Variants in ZMAT4 observed in about 807,000 individuals in gnomAD.
ZMAT4 encodes the protein zinc finger matrin-type protein 4.
Under a neutral mutation model 28.7 loss-of-function variants are expected in ZMAT4, and 17 were observed. The observed-to-expected ratio is 0.59, with a 90% confidence interval of 0.41 to 0.89. The LOEUF is 0.89. ZMAT4 is among the 40% of genes least tolerant of loss of function. The pLI, the probability that ZMAT4 is intolerant of heterozygous loss-of-function variation, is 0.00. For synonymous variants in ZMAT4, 117 were observed against 109.2 expected (o/e 1.07, Z -0.44); for missense variants, 240 against 283.8 (o/e 0.85, Z 1.11).
chr8:40,684,082 C>T (rs1459446314), intron 4 of ZMAT4, among the ~76,000 whole-genome samples: 2 of 151,530 alleles, frequency 1.3e-5, no homozygotes, highest in Admixed American at 6.6e-5. Context: ...AAAAAAAAAT[C>T]AGATGGCTAC....
At chr8:40,590,712 AGTGT>A (rs3221714) in intron 5 of ZMAT4, among the ~76,000 whole-genome samples, 48 of 150,470 alleles carry the variant, frequency 3.2e-4, no homozygotes, top group African/African-American at 1.0e-3. Flanking sequence ...TTTCAGTATA[AGTGT>A]GTGTGTGTGT....
intron 4 of ZMAT4, among the ~76,000 whole-genome samples, chr8:40,684,251 A>G (rs571919318): frequency 2.0e-5 from 3 of 152,212 alleles, no homozygotes; most frequent in Non-Finnish European, 4.4e-5. Context: ...AAGAGTTATG[A>G]CTTCACGCAT....
rs553545814 is a variant in ZMAT4, at chr8:40,718,784, C to T, written c.193-21383G>A. On this transcript the variant is annotated intron_variant, in intron 3 of 6. Transcript: ENST00000297737. ...CCCATCTAAACCATAGTTCTCATGC[C>T]TGCTCTATAGATAAGAGTTCTGGGG... Among the ~76,000 whole-genome samples, 165 of 152,294 alleles carry T rather than the reference C, an allele frequency of 1.1e-3. 1 individual carries two copies. The highest frequency in any genetic ancestry group is 3.8e-3 in the African/African-American group (159 of 41,564).
At chr8:40,580,071 GGCCTGATCT>G (rs1804405459) in intron 6 of ZMAT4, among the ~76,000 whole-genome samples, 1 of 144,798 alleles carries the variant, frequency 6.9e-6, no homozygotes, top group Non-Finnish European at 1.5e-5. Context: ...GGAGTGCAGT[GGCCTGATCT>G]TGGTTCACTG....
intron 3 of ZMAT4, among the ~76,000 whole-genome samples, chr8:40,764,518 G>C (rs1813066432): frequency 6.6e-6 from 1 of 151,666 alleles, no homozygotes; most frequent in Non-Finnish European, 1.5e-5. Context: ...CATGGTCAGG[G>C]TGTGGGAAAT....
At chr8:40,763,988 CA>C (rs1234386781) in intron 3 of ZMAT4, among the ~76,000 whole-genome samples, 10 of 140,138 alleles carry the variant, frequency 7.1e-5, no homozygotes, top group Middle Eastern at 3.4e-3. Flanking sequence ...ATCACACACA[CA>C]AAAAAAAAAC....
intron 2 of ZMAT4, among the ~76,000 whole-genome samples, chr8:40,782,249 G>T (rs1813867370): frequency 6.6e-6 from 1 of 151,990 alleles, no homozygotes; most frequent in East Asian, 1.9e-4. Context: ...AGCTGGGCAT[G>T]GTGGTGGGTG....
chr8:40,605,024 G>T (rs1805531667), intron 5 of ZMAT4, among the ~76,000 whole-genome samples: 1 of 151,988 alleles, frequency 6.6e-6, no homozygotes, highest in South Asian at 2.1e-4. Flanking sequence ...TATCAGTTGT[G>T]ATATCTCCCG....
At chr8:40,812,859 G>A (rs1815376844) in intron 2 of ZMAT4, among the ~76,000 whole-genome samples, 2 of 151,914 alleles carry the variant, frequency 1.3e-5, no homozygotes, top group African/African-American at 4.8e-5. Context: ...TTGGAACCTG[G>A]GAGGTGAAGG....
intron 3 of ZMAT4, among the ~76,000 whole-genome samples, chr8:40,766,080 C>T (rs1380806710): frequency 1.3e-5 from 2 of 152,142 alleles, no homozygotes; most frequent in African/African-American, 4.8e-5. Flanking sequence ...CTCCCTCCTG[C>T]GGCCTCCATC....
chr8:40,785,576 T>G (rs1392150569), intron 2 of ZMAT4, among the ~76,000 whole-genome samples: 1 of 152,180 alleles, frequency 6.6e-6, no homozygotes, highest in Non-Finnish European at 1.5e-5. Flanking sequence ...AAACACATGG[T>G]CAGGATTCTA....
rs267601920 is a variant in ZMAT4 at position 40,674,904 on chromosome 8, G to T, written c.377C>A (p.Pro126Gln). The T allele has an allele frequency of 1.9e-6, 3 of 1,613,012 alleles. No homozygotes were observed. The highest frequency in any genetic ancestry group is 2.2e-5 in the South Asian group (2 of 91,042). ...TATPLSPLKP[P>Q]RMDTAPVVAS... ...GACCACCGGAGCAGTGTCCATCCGT[G>T]GGGGCTTAAGTGGGCTCAGGGGTGT... Residue 126 changes from proline (P) to glutamine (Q), a missense_variant, in exon 5 of 7, where the codon CCA (proline) becomes CAA (glutamine). Coordinates refer to ENST00000297737, the MANE Select transcript of ZMAT4 (RefSeq NM_024645.3).
intron 3 of ZMAT4, among the ~76,000 whole-genome samples, chr8:40,710,538 C>T (rs62497407): frequency 6.6e-6 from 1 of 151,914 alleles, no homozygotes; most frequent in African/African-American, 2.4e-5. Context: ...ATGACAAACT[C>T]TACAAAATTT....
At chr8:40,556,907 G>A (rs146958552) in intron 6 of ZMAT4, among the ~76,000 whole-genome samples, 1,691 of 152,116 alleles carry the variant, frequency 0.011, 14 homozygotes, top group Non-Finnish European at 0.018. Flanking sequence ...ACTCTCCTTT[G>A]CTAATGAGTA....
chr8:40,749,721 T>C (rs1316559125), intron 3 of ZMAT4, among the ~76,000 whole-genome samples: 2 of 151,926 alleles, frequency 1.3e-5, no homozygotes, highest in Non-Finnish European at 2.9e-5. Context: ...CAGGAGTGAG[T>C]GAAAGTTATG....
At chr8:40,744,607 C>G (rs1037648218) in intron 3 of ZMAT4, among the ~76,000 whole-genome samples, 6 of 152,170 alleles carry the variant, frequency 3.9e-5, no homozygotes, top group Admixed American at 3.9e-4. Flanking sequence ...GCTGCTCAGC[C>G]GTAACCCACA....
intron 1 of ZMAT4, among the ~76,000 whole-genome samples, chr8:40,839,639 GAA>G (rs1282927807): frequency 6.6e-6 from 1 of 152,204 alleles, no homozygotes; most frequent in Admixed American, 6.5e-5. Context: ...TAAAAAGAAT[GAA>G]ATCACACCTT....
chr8:40,643,273 A>C (rs2599657), intron 5 of ZMAT4, among the ~76,000 whole-genome samples: 1 of 151,910 alleles, frequency 6.6e-6, no homozygotes, highest in Non-Finnish European at 1.5e-5. Context: ...ATGCCTAACT[A>C]TGAGTAACCA....
intron 6 of ZMAT4, among the ~76,000 whole-genome samples, chr8:40,540,371 G>A (rs187197595): frequency 4.9e-4 from 75 of 151,972 alleles, no homozygotes; most frequent in Middle Eastern, 3.4e-3. Context: ...CTTTTAAATT[G>A]TCTGCAAGCC....
Sources: allele counts gnomAD v4.1 joint callset (sites outside exome capture counted in the v4.1 genomes callset), GRCh38; gene constraint gnomAD v4.1.1; transcripts MANE v1.5; gene names NCBI Gene and HGNC (gene_info 2026-07-23, HGNC 2026-07-21).